TFEC: variants seen among roughly 807,000 people sequenced by gnomAD.
The protein encoded by TFEC is class E basic helix-loop-helix protein 34.
Under a neutral mutation model 41.6 loss-of-function variants are expected in TFEC, and 31 were observed. The observed-to-expected ratio is 0.74, with a 90% CI of 0.56 to 1.01. TFEC has a LOEUF of 1.01. Among genes scored for constraint, TFEC ranks in the 50% least tolerant of loss-of-function variants. TFEC has a pLI of 0.00. For missense variants in TFEC, 402 were observed against 404.1 expected (o/e 0.99, Z 0.04); for synonymous variants, 143 against 140.6 (o/e 1.02, Z -0.12).
intron 3 of TFEC, among the ~76,000 whole-genome samples, chr7:115,957,376 A>T (rs1406351046): frequency 6.6e-6 from 1 of 151,808 alleles, no homozygotes. Flanking sequence ...CCAGCTGGTA[A>T]CCAAAAGTAG....
intron 3 of TFEC, among the ~76,000 whole-genome samples, chr7:116,110,384 G>C (rs1797825420): frequency 6.6e-6 from 1 of 151,974 alleles, no homozygotes; most frequent in South Asian, 2.1e-4. Flanking sequence ...AAACTTCTTT[G>C]TGAAGTATAA....
chr7:116,009,044 G>C lies in TFEC; in HGVS notation c.-73+21589C>G, dbSNP rs536458790. Among the ~76,000 whole-genome samples the C allele has an allele frequency of 2.6e-5, 4 of 152,248 alleles. No individual in the cohort carries two copies. In the South Asian group the frequency reaches 8.3e-4, roughly 32 times the overall value. On this transcript the variant is annotated intron_variant, in intron 1 of 7. Transcript: ENST00000265440. ...TTTCTAATTCAATGGTGTTCTAGCA[G>C]TAAAATTCTTGCACTTGACGAACAC...
At chr7:116,061,707 G>A (rs1250932665) in intron 3 of TFEC, among the ~76,000 whole-genome samples, 1 of 152,020 alleles carries the variant, frequency 6.6e-6, no homozygotes, top group Non-Finnish European at 1.5e-5. Flanking sequence ...TCTTGTAGTT[G>A]ATGAGGGTGT....
intron 3 of TFEC, among the ~76,000 whole-genome samples, chr7:116,058,978 C>T (rs979685556): frequency 1.3e-5 from 2 of 151,428 alleles, no homozygotes; most frequent in African/African-American, 4.8e-5. Context: ...TACCTTAACA[C>T]ATTAGAAAAA....
intron 1 of TFEC, among the ~76,000 whole-genome samples, chr7:116,114,715 C>T (rs1047686971): frequency 2.6e-5 from 4 of 151,946 alleles, no homozygotes; most frequent in African/African-American, 9.7e-5. Context: ...AAACAACTGA[C>T]GCTTCACAAA....
rs75633064 is a variant in TFEC at position 116,075,145 on chromosome 7, T to C, written c.198+35563A>G. 6.1e-4 allele frequency among the ~76,000 whole-genome samples: 93 copies of C among 152,320 alleles called. 3 individuals are homozygous for C. The East Asian group carries it at 0.017, about 28-fold the overall frequency. ...GGTAATGTTTGCACAACTCTGTAAA[T>C]ATACTAAAAAACTATTGAATTGTAC... On this transcript the variant is annotated intron_variant, in intron 3 of 8. Coordinates refer to the TFEC transcript ENST00000484212.
chr7:116,076,333 GA>G (rs1796959683), intron 3 of TFEC, among the ~76,000 whole-genome samples: 1 of 151,994 alleles, frequency 6.6e-6, no homozygotes, highest in Non-Finnish European at 1.5e-5. Flanking sequence ...AGGAACCACA[GA>G]AACAATTCTG....
chr7:115,983,731 G>A (rs182634445), intron 2 of TFEC, among the ~76,000 whole-genome samples: 147 of 151,842 alleles, frequency 9.7e-4, no homozygotes, highest in Non-Finnish European at 1.7e-3. Flanking sequence ...TCTAAATTTC[G>A]GTTATTTAGT....
chr7:115,963,343 G>A lies in TFEC; in HGVS notation c.268-6550C>T, dbSNP rs140951557. Reference sequence around the variant, plus strand: ...AAAATTGAGGAGTGCTGGTGGTAACGTGAAATGGTGCAGCCATTGTGGAAA... The same window carrying A: ...AAAATTGAGGAGTGCTGGTGGTAACATGAAATGGTGCAGCCATTGTGGAAA... On this transcript the variant is annotated intron_variant, in intron 3 of 7. Transcript: ENST00000265440. 1.9e-3 allele frequency among the ~76,000 whole-genome samples: 291 copies of A among 151,888 alleles called. 1 individual carries two copies. The highest frequency in any genetic ancestry group is 6.0e-3 in the African/African-American group (247 of 41,498).
chr7:116,005,383 G>T (rs1353385196), intron 1 of TFEC, among the ~76,000 whole-genome samples: 2 of 152,178 alleles, frequency 1.3e-5, no homozygotes, highest in Non-Finnish European at 2.9e-5. Flanking sequence ...CCAGGATGAG[G>T]TGGTCTCAGA....
upstream of TFEC, among the ~76,000 whole-genome samples, chr7:116,033,152 T>C (rs1584428166): frequency 6.6e-6 from 1 of 151,990 alleles, no homozygotes; most frequent in African/African-American, 2.4e-5. Context: ...AAAAAATCTT[T>C]GTTTCTGAGG....
At chr7:116,156,971 T>C (rs1330127882) in intron 1 of TFEC, among the ~76,000 whole-genome samples, 1 of 152,166 alleles carries the variant, frequency 6.6e-6, no homozygotes, top group Non-Finnish European at 1.5e-5. Context: ...TTTTGTTTAA[T>C]ACTGAATTTT....
At chr7:115,964,574 A>G (rs997766355) in intron 3 of TFEC, among the ~76,000 whole-genome samples, 1 of 151,630 alleles carries the variant, frequency 6.6e-6, no homozygotes, top group Non-Finnish European at 1.5e-5. Context: ...GAGAAAAAGA[A>G]TCTATGATCA....
chr7:116,070,339 CAAAT>C (rs970730671), intron 3 of TFEC, among the ~76,000 whole-genome samples: 6 of 151,308 alleles, frequency 4.0e-5, no homozygotes, highest in African/African-American at 9.7e-5. Flanking sequence ...CCAAAGCAAA[CAAAT>C]AGATTTTTGC....
At chr7:115,964,138 G>A (rs1792719922) in intron 3 of TFEC, among the ~76,000 whole-genome samples, 1 of 151,512 alleles carries the variant, frequency 6.6e-6, no homozygotes, top group Admixed American at 6.6e-5. Context: ...GATTGTAAAT[G>A]CTTAGACAAA....
intron 1 of TFEC, among the ~76,000 whole-genome samples, chr7:116,028,167 GTTC>G (rs1368256920): frequency 6.6e-6 from 1 of 152,026 alleles, no homozygotes; most frequent in Non-Finnish European, 1.5e-5. Flanking sequence ...ATATTCTCCT[GTTC>G]TTCTTTATTT....
chr7:116,134,181 A>G (rs1798390719), intron 1 of TFEC, among the ~76,000 whole-genome samples: 1 of 152,214 alleles, frequency 6.6e-6, no homozygotes. Context: ...TAAAATTAAT[A>G]TAAAAGACTG....
chr7:116,087,892 C>A (rs2131078364), intron 3 of TFEC, among the ~76,000 whole-genome samples: 1 of 152,228 alleles, frequency 6.6e-6, no homozygotes, highest in African/African-American at 2.4e-5. Context: ...CATTCTAACT[C>A]CTACATGTTA....
rs1358149136 is a variant in TFEC, at chr7:115,940,400, G to A, written c.*151C>T. The A allele has an allele frequency of 7.3e-6, 6 of 826,024 alleles. No homozygotes were observed. The highest frequency in any genetic ancestry group is 3.5e-5 in the African/African-American group (2 of 57,192). The allele number at this position is 826,024 out of a possible 1,614,324, so 51.2% of individuals were successfully genotyped here. A position where few individuals can be genotyped will look rare whatever the true frequency, so the allele number is the denominator to read the frequency against. ...TTAACACTATGATTTTTCTTCCTGC[G>A]AATTCTTCTGTTGCTTCTATCAGTT... On this transcript the variant is annotated 3_prime_UTR_variant, in exon 8 of 8. Coordinates refer to ENST00000265440, the MANE Select transcript of TFEC (RefSeq NM_012252.4).
Sources: gnomAD v4.1 joint callset for allele counts (sites outside exome capture counted in the v4.1 genomes callset) on GRCh38, gnomAD v4.1.1 for gene constraint, MANE v1.5 for transcripts, NCBI Gene and HGNC (gene_info 2026-07-23, HGNC 2026-07-21) for gene names.